Variants in EIF3A observed in about 807,000 individuals in gnomAD.
The protein encoded by EIF3A is eukaryotic translation initiation factor 3 subunit A.
EIF3A carries 21 observed loss-of-function variants against 186.6 expected under a neutral mutation model. The observed-to-expected ratio is 0.11, with a 90% CI of 0.08 to 0.16. The LOEUF (loss-of-function observed/expected upper bound fraction) is 0.16. Ranked by LOEUF, EIF3A falls within the 10% of genes least tolerant of loss-of-function variation. EIF3A has a pLI of 1.00. For missense variants in EIF3A, 1,306 were observed against 1,796.3 expected (o/e 0.73, Z 4.93); for synonymous variants, 563 against 584.3 (o/e 0.96, Z 0.52).
Position 119,036,219 on chromosome 10 carries a change from C to T in EIF3A, c.3969G>A (p.Glu1323=), listed in dbSNP as rs1329126084. Residue 1323 remains glutamate, a synonymous_variant, in exon 22 of 22, where the codon GAG becomes GAA. Coordinates refer to ENST00000369144, the MANE Select transcript of EIF3A (RefSeq NM_003750.4). ...GAGGAACTCGACGAGGAGGGTCCCG[C>T]TCTTCCACCCGGTCATCTTTCCTGT... The part of the protein sequence containing the change: ...ADDRKDDRVE[E]RDPPRRVPPP... The T allele has an allele frequency of 6.8e-6, 11 of 1,613,798 alleles. No individual in the cohort carries two copies. In the African/African-American group the frequency reaches 1.2e-4, roughly 18 times the overall value.
chr10:119,062,770 T>TG (rs1843910331), intron 7 of EIF3A, among the ~76,000 whole-genome samples: 1 of 109,912 alleles, frequency 9.1e-6, no homozygotes, highest in Non-Finnish European at 1.8e-5. Flanking sequence ...TTTTTTGAGA[T>TG]GGAGTCTTGC....
At chr10:119,057,816 A>T in intron 12 of EIF3A, 140 bp downstream of exon 12, 1 of 671,202 alleles carries the variant, frequency 1.5e-6, no homozygotes. Flanking sequence ...ACATATGCTT[A>T]CTCACAGATT....
chr10:119,065,569 T>C lies in EIF3A; in HGVS notation c.952A>G (p.Met318Val), dbSNP rs1418833809. ...KNLTQDEMQRMSTRVLLATLS... is the reference protein window; with the variant it reads ...KNLTQDEMQRVSTRVLLATLS... Reference sequence around the variant, plus strand: ...GTGGCTAAAAGGACTCTAGTAGACATTCTATGGAGAACAAAGTTTTAAATC... The same window carrying C: ...GTGGCTAAAAGGACTCTAGTAGACACTCTATGGAGAACAAAGTTTTAAATC... Residue 318 changes from methionine to valine, a missense_variant and splice_region_variant, in exon 7 of 22, where the codon ATG (methionine) becomes GTG (valine). Physicochemically the swap from Met to Val is conservative, Grantham distance 21. Transcript: ENST00000369144. 1 of 1,593,450 alleles carries C rather than the reference T, an allele frequency of 6.3e-7. No homozygotes were observed. Among genetic ancestry groups the C allele is most frequent in the Non-Finnish European group, 8.6e-7 (1 of 1,168,102 alleles).
chr10:119,080,529 G>C, intron 1 of EIF3A, 99 bp downstream of exon 1: 1 of 1,441,400 alleles, frequency 6.9e-7, no homozygotes, highest in Non-Finnish European at 9.1e-7. Context: ...TCCTCTCCCC[G>C]CGCGGGCCGG....
chr10:119,072,813 T>C, intron 4 of EIF3A, 77 bp downstream of exon 4: 1 of 1,505,692 alleles, frequency 6.6e-7, no homozygotes, highest in Non-Finnish European at 8.9e-7. Context: ...AACTAGTTCA[T>C]TTTAAGTACT....
chr10:119,051,344 AT>A, intron 14 of EIF3A, 23 bp from the exon 15 acceptor site: 1 of 1,551,778 alleles, frequency 6.4e-7, no homozygotes, highest in Non-Finnish European at 8.7e-7. Context: ...ATATTGTGAA[AT>A]TTCAATGCAC....
At chr10:119,061,930 T>C (rs1843894861) in intron 7 of EIF3A, among the ~76,000 whole-genome samples, 1 of 152,170 alleles carries the variant, frequency 6.6e-6, no homozygotes, top group Admixed American at 6.5e-5. Context: ...ACAAAATAAC[T>C]GCTGGGATAG....
In EIF3A at chr10:119,075,711, C is replaced by CTTTTT. The variant is rs58392465; in HGVS notation, c.50-1779_50-1775dup. Among the ~76,000 whole-genome samples the CTTTTT allele has an allele frequency of 8.0e-4, 52 of 65,288 alleles. 4 individuals carry two copies. Among genetic ancestry groups the CTTTTT allele is most frequent in the East Asian group, 2.0e-3 (4 of 2,034 alleles). The allele number at this position is 65,288 out of a possible 152,430, so 42.8% of individuals were successfully genotyped here. On this transcript the variant is annotated intron_variant, in intron 1 of 21. Coordinates refer to ENST00000369144, the MANE Select transcript of EIF3A (RefSeq NM_003750.4). ...ATTGTTTATTTTCCTTGGAAAAAGA[C>CTTTTT]TTTTTTTTTTTTTTTTTTTTTGGAC...
In EIF3A at chr10:119,071,069, G is replaced by T; in HGVS notation, c.558C>A (p.Leu186=). ...GGAATTCAGCCTTACGCGTGTATTG[G>T]AGGCAGAATTTGAAAGCTATAAGCA... ...DIAQQAFKFC[L]QYTRKAEFRK... is the part of the protein sequence containing the mutation. The change falls in exon 5 of 22, where the codon CTC becomes CTA. Residue 186 remains leucine, a synonymous_variant. Transcript: ENST00000369144. The T allele has an allele frequency of 4.3e-6, 7 of 1,613,634 alleles. No homozygotes were observed. Among genetic ancestry groups the T allele is most frequent in the Non-Finnish European group, 5.1e-6 (6 of 1,179,550 alleles).
At chr10:119,078,589 A>G (rs532889392) in intron 1 of EIF3A, among the ~76,000 whole-genome samples, 3 of 152,210 alleles carry the variant, frequency 2.0e-5, no homozygotes, top group African/African-American at 7.2e-5. Flanking sequence ...ATCCCTCACA[A>G]TCCAAAGGTA....
chr10:119,063,797 C>T (rs1397551963), intron 7 of EIF3A, among the ~76,000 whole-genome samples: 3 of 152,096 alleles, frequency 2.0e-5, no homozygotes, highest in African/African-American at 7.2e-5. Flanking sequence ...AAAAGATACA[C>T]AAATCTGGCC....
At chr10:119,041,825 T>C (rs906695173) in intron 19 of EIF3A, among the ~76,000 whole-genome samples, 169 bp downstream of exon 19, 2 of 152,144 alleles carry the variant, frequency 1.3e-5, no homozygotes, top group Non-Finnish European at 2.9e-5. Flanking sequence ...TTTTGGATGG[T>C]GGTATTCTGA....
At position 119,050,558 on chromosome 10, in the gene EIF3A, CTCT is replaced by C. The variant is rs775940782; in HGVS notation, c.2433_2435del (p.Glu814del). 8.7e-6 allele frequency: 14 copies of C among 1,614,060 alleles called. No individual in the cohort carries two copies. Among genetic ancestry groups the C allele is most frequent in the South Asian group, 1.1e-5 (1 of 91,074 alleles). On this transcript the variant is annotated inframe_deletion, in exon 16 of 22. Coordinates refer to ENST00000369144, the MANE Select transcript of EIF3A (RefSeq NM_003750.4). ...GTTCTTCTGCCCTTCTCTGCTCCTC[CTCT>C]TCTTTTTCTCTATAGTATGTTATCC...
At chr10:119,052,588 C>A (rs1848374476) in intron 14 of EIF3A, among the ~76,000 whole-genome samples, 1 of 152,022 alleles carries the variant, frequency 6.6e-6, no homozygotes, top group African/African-American at 2.4e-5. Context: ...GTTGCCCAGG[C>A]TGGTCTCAAA....
intron 1 of EIF3A, chr10:119,080,308 G>A (rs920881028): frequency 1.2e-4 from 121 of 985,208 alleles, no homozygotes; most frequent in Non-Finnish European, 1.4e-4. Context: ...AGAGCCAGAG[G>A]ACGCAGGCAG....
intron 14 of EIF3A, among the ~76,000 whole-genome samples, chr10:119,054,883 A>G (rs73432156): frequency 0.013 from 1,920 of 152,294 alleles, 37 homozygotes; most frequent in African/African-American, 0.042. Context: ...CTTAAAAGCC[A>G]TTGTGGAATT....
intron 7 of EIF3A, among the ~76,000 whole-genome samples, chr10:119,062,480 A>C (rs1843904224): frequency 6.6e-6 from 1 of 152,214 alleles, no homozygotes. Flanking sequence ...CAACTCAAGA[A>C]GTTGACAAAT....
chr10:119,036,967 GTAAC>G, intron 21 of EIF3A, 148 bp downstream of exon 21: 2 of 651,174 alleles, frequency 3.1e-6, no homozygotes, highest in Non-Finnish European at 5.3e-6. Context: ...TGACCATTGA[GTAAC>G]TGTATGAAAA....
In EIF3A at chr10:119,050,122, G is replaced by T. The variant is rs1395460966; in HGVS notation, c.2474-137C>A. ...TGAAAATAGTTTGTAATCAGCTACA[G>T]GACAGAACATAGTCAAGAAAATAAG... On this transcript the variant is annotated intron_variant, in intron 16 of 21. Coordinates refer to ENST00000369144, the MANE Select transcript of EIF3A (RefSeq NM_003750.4). 8.3e-6 allele frequency: 7 copies of T among 838,784 alleles called. No individual in the cohort carries two copies. The Admixed American group carries it at 1.8e-4, about 21-fold the overall frequency. 52.0% of individuals were successfully genotyped at this position (838,784 alleles called of 1,614,324 possible).
Sources: gnomAD v4.1 joint callset for allele counts (sites outside exome capture counted in the v4.1 genomes callset) on GRCh38, gnomAD v4.1.1 for gene constraint, MANE v1.5 for transcripts, NCBI Gene and HGNC (gene_info 2026-07-23, HGNC 2026-07-21) for gene names.